The following SLC39A11 variants were observed in gnomAD, a reference collection of about 807,000 sequenced individuals.
SLC39A11 encodes solute carrier family 39 member 11.
SLC39A11 carries 33 observed loss-of-function variants against 36.1 expected under a neutral mutation model. The ratio of observed to expected loss-of-function variants is 0.91; its 90% CI spans 0.69 to 1.22. SLC39A11 has a LOEUF of 1.22. Among genes scored for constraint, SLC39A11 ranks in the 50% most tolerant of loss-of-function variants. SLC39A11 has a pLI of 0.00. For synonymous variants in SLC39A11, 166 were observed against 170.3 expected, an observed-to-expected ratio of 0.97 and a Z score of 0.20; for missense variants, 432 against 430.3, an observed-to-expected ratio of 1.00 and a Z score of -0.03.
At chr17:72,714,603 A>G (rs1449153859) in intron 7 of SLC39A11, among the ~76,000 whole-genome samples, 1 of 152,102 alleles carries the variant, frequency 6.6e-6, no homozygotes, top group Non-Finnish European at 1.5e-5. Flanking sequence ...TTCCACTTTC[A>G]TTTACCCCTT....
At chr17:72,683,556 C>T (rs568919941) in intron 7 of SLC39A11, among the ~76,000 whole-genome samples, 26 of 151,908 alleles carry the variant, frequency 1.7e-4, no homozygotes, top group Admixed American at 3.9e-4. Flanking sequence ...AGGCTGGTCT[C>T]GGACTCCTAG....
chr17:72,813,043 A>G (rs916030383), intron 6 of SLC39A11, among the ~76,000 whole-genome samples: 1 of 152,112 alleles, frequency 6.6e-6, no homozygotes. Flanking sequence ...AGGGGCAGAA[A>G]ATGGTTGTTC....
At chr17:72,819,345 C>A (rs1356439709) in intron 6 of SLC39A11, among the ~76,000 whole-genome samples, 2 of 151,362 alleles carry the variant, frequency 1.3e-5, no homozygotes, top group Non-Finnish European at 3.0e-5. Flanking sequence ...TCCCTCAGAG[C>A]CCTCAGAAGG....
At chr17:73,059,315 T>C (rs1403104125) in intron 3 of SLC39A11, among the ~76,000 whole-genome samples, 5 of 152,244 alleles carry the variant, frequency 3.3e-5, no homozygotes, top group African/African-American at 1.2e-4. Context: ...TCTTATGTTT[T>C]CACTAGAAAT....
intron 3 of SLC39A11, among the ~76,000 whole-genome samples, chr17:73,070,588 TG>T (rs770083809): frequency 5.1e-4 from 77 of 152,322 alleles, no homozygotes; most frequent in Admixed American, 1.0e-3. Context: ...CGGCTTTGGC[TG>T]CACATCACAG....
chr17:72,903,827 C>T (rs747469968), intron 5 of SLC39A11, among the ~76,000 whole-genome samples: 1 of 152,132 alleles, frequency 6.6e-6, no homozygotes, highest in Non-Finnish European at 1.5e-5. Context: ...CAGCCTCCTC[C>T]CAGAACCGGA....
intron 5 of SLC39A11, among the ~76,000 whole-genome samples, chr17:72,852,228 A>AAAAAAAAAAAAC (rs1491123331): frequency 2.2e-5 from 3 of 134,826 alleles, no homozygotes; most frequent in Non-Finnish European, 3.2e-5. Context: ...AAAAAAAAAA[A>AAAAAAAAAAAAC]CAGAAAGAAA....
chr17:72,905,451 C>T (rs1254104323), intron 5 of SLC39A11, among the ~76,000 whole-genome samples: 1 of 151,658 alleles, frequency 6.6e-6, no homozygotes, highest in Non-Finnish European at 1.5e-5. Context: ...CAAAAAATTA[C>T]CCAGGTGTGG....
At chr17:72,672,146 A>G (rs2071049933) in intron 7 of SLC39A11, among the ~76,000 whole-genome samples, 1 of 152,186 alleles carries the variant, frequency 6.6e-6, no homozygotes, top group South Asian at 2.1e-4. Flanking sequence ...TAAACTCAAA[A>G]CAAAACAAAA....
chr17:72,721,611 C>A (rs1457954575), intron 7 of SLC39A11, among the ~76,000 whole-genome samples: 1 of 152,114 alleles, frequency 6.6e-6, no homozygotes, highest in Admixed American at 6.5e-5. Context: ...GACCAAGATG[C>A]AGGATGTGGC....
intron 4 of SLC39A11, among the ~76,000 whole-genome samples, chr17:73,008,553 T>C (rs998050069): frequency 1.3e-5 from 2 of 152,160 alleles, no homozygotes; most frequent in African/African-American, 4.8e-5. Flanking sequence ...TTCAACCTAA[T>C]CAGGTGCTCC....
intron 7 of SLC39A11, among the ~76,000 whole-genome samples, chr17:72,678,533 C>T (rs932704386): frequency 2.0e-5 from 3 of 152,044 alleles, no homozygotes; most frequent in Admixed American, 6.5e-5. Flanking sequence ...GGTGAAACTC[C>T]GTCTCTACTA....
chr17:72,660,903 G>A (rs763998471), intron 7 of SLC39A11, among the ~76,000 whole-genome samples: 5 of 152,170 alleles, frequency 3.3e-5, no homozygotes, highest in South Asian at 2.1e-4. Flanking sequence ...AAATGTCTCC[G>A]GGGAGGGGGA....
intron 6 of SLC39A11, among the ~76,000 whole-genome samples, chr17:72,777,184 A>T (rs2076165820): frequency 6.6e-6 from 1 of 152,194 alleles, no homozygotes; most frequent in Non-Finnish European, 1.5e-5. Flanking sequence ...TGTGCATTTT[A>T]AGAGGGGACA....
intron 6 of SLC39A11, among the ~76,000 whole-genome samples, chr17:72,833,812 ACAAGTCCCGGCACAACTCGCAACCCACTT>A (rs1475956690): frequency 6.6e-6 from 1 of 152,184 alleles, no homozygotes; most frequent in South Asian, 2.1e-4. Context: ...AGCCTGCTAC[ACAAGTCCCGGCACAACTCGCAACCCACTT>A]CAGTCCCCAA....
At chr17:72,888,658 T>C (rs1355316390) in intron 5 of SLC39A11, among the ~76,000 whole-genome samples, 4 of 152,092 alleles carry the variant, frequency 2.6e-5, no homozygotes, top group Admixed American at 1.3e-4. Flanking sequence ...TGGCAGCACT[T>C]TGGGAGGCTG....
At chr17:72,667,628 A>C (rs1192097038) in intron 7 of SLC39A11, among the ~76,000 whole-genome samples, 1 of 152,158 alleles carries the variant, frequency 6.6e-6, no homozygotes, top group Non-Finnish European at 1.5e-5. Flanking sequence ...TACCAATGCT[A>C]TGAAGATGGT....
intron 7 of SLC39A11, among the ~76,000 whole-genome samples, chr17:72,699,327 TTG>T (rs1349634076): frequency 6.6e-6 from 1 of 152,224 alleles, no homozygotes; most frequent in African/African-American, 2.4e-5. Flanking sequence ...GTTTATGAAT[TTG>T]TGTTAGGCTG....
intron 4 of SLC39A11, among the ~76,000 whole-genome samples, chr17:72,999,843 C>T (rs962723956): frequency 1.4e-4 from 22 of 152,154 alleles, no homozygotes; most frequent in African/African-American, 5.1e-4. Context: ...CAAGTTCAAG[C>T]GATTCTCCTG....
Sources: allele counts gnomAD v4.1 joint callset (sites outside exome capture counted in the v4.1 genomes callset), GRCh38; gene constraint gnomAD v4.1.1; transcripts MANE v1.5; gene names NCBI Gene and HGNC (gene_info 2026-07-23, HGNC 2026-07-21).